MED15: variants seen among roughly 807,000 people sequenced by gnomAD.
The protein encoded by MED15 is mediator complex subunit 15.
MED15 carries 41 observed loss-of-function variants against 118.7 expected under a neutral mutation model. The ratio of observed to expected loss-of-function variants is 0.35; its 90% confidence interval spans 0.27 to 0.45. The LOEUF (loss-of-function observed/expected upper bound fraction) is 0.45, where lower values mean the gene tolerates loss of function less well. Ranked by LOEUF, MED15 falls within the 20% of genes least tolerant of loss-of-function variation. MED15 has a pLI of 1.00. For synonymous variants in MED15, 436 were observed against 413.9 expected, an observed-to-expected ratio of 1.05 and a Z score of -0.65; for missense variants, 740 against 1,025.5, an observed-to-expected ratio of 0.72 and a Z score of 3.80.
intron 14 of MED15, 178 bp downstream of exon 14, chr22:20,584,603 T>C: frequency 1.2e-6 from 1 of 846,358 alleles, no homozygotes; most frequent in Non-Finnish European, 1.8e-6. Context: ...ATGGGAGAAG[T>C]CACCCTCTGT....
chr22:20,555,263 G>C, intron 5 of MED15, 115 bp downstream of exon 5: 1 of 1,138,448 alleles, frequency 8.8e-7, no homozygotes, highest in Non-Finnish European at 1.2e-6. Flanking sequence ...AATCGCTCTG[G>C]TTTTTTTGTT....
rs1197608676 is a variant in MED15, at chr22:20,554,994, T to C, written c.297T>C (p.Ile99=). 1.9e-6 allele frequency: 3 copies of C among 1,611,898 alleles called. No individual in the cohort carries two copies. The highest frequency in any genetic ancestry group is 2.5e-6 in the Non-Finnish European group (3 of 1,179,984). The change falls in exon 5 of 18, where the codon ATT becomes ATC. Residue 99 remains isoleucine, a synonymous_variant. Coordinates refer to ENST00000263205, the MANE Select transcript of MED15 (RefSeq NM_001003891.3). ...GACCTGCTGCGGGAGCCGCTGGAAT[T>C]GGCATGCCTCCTCGGGGCCCGGGAC... ...TGGPAAGAAG[I]GMPPRGPGQS...
rs1555952791 is a variant in MED15 at position 20,585,023 on chromosome 22, C to T, written c.1964+8C>T. 1 of 1,613,978 alleles carries T rather than the reference C, an allele frequency of 6.2e-7. No homozygotes were observed. The highest frequency in any genetic ancestry group is 8.5e-7 in the Non-Finnish European group (1 of 1,179,978). On this transcript the variant is annotated splice_region_variant and intron_variant, in intron 15 of 17. Coordinates refer to ENST00000263205, the MANE Select transcript of MED15 (RefSeq NM_001003891.3). ...TCACGGCCCACCCATCACGTATGTC[C>T]AGCTGGGCTGGGCTTTGCGGAGGGC...
intron 8 of MED15, among the ~76,000 whole-genome samples, chr22:20,570,130 T>C (rs2056591418): frequency 6.6e-6 from 1 of 152,154 alleles, no homozygotes. Flanking sequence ...GTTCAAGTGA[T>C]TCTCCTGCCT....
At chr22:20,555,930 C>T (rs2055985004) in intron 5 of MED15, among the ~76,000 whole-genome samples, 1 of 152,168 alleles carries the variant, frequency 6.6e-6, no homozygotes, top group African/African-American at 2.4e-5. Context: ...ACCATGTTGC[C>T]CAGGCTTATC....
At chr22:20,523,366 A>G (rs191059099) in intron 1 of MED15, among the ~76,000 whole-genome samples, 2 of 152,056 alleles carry the variant, frequency 1.3e-5, no homozygotes, top group East Asian at 3.9e-4. Flanking sequence ...TTTAAAAAAA[A>G]AGTTCATTAT....
intron 1 of MED15, among the ~76,000 whole-genome samples, chr22:20,535,220 A>T (rs1339527184): frequency 6.6e-6 from 1 of 152,116 alleles, no homozygotes; most frequent in Non-Finnish European, 1.5e-5. Context: ...GGCCTCCCAA[A>T]GTGCTGGGAT....
intron 9 of MED15, among the ~76,000 whole-genome samples, chr22:20,575,445 C>T (rs1359170955): frequency 6.6e-6 from 1 of 150,482 alleles, no homozygotes; most frequent in African/African-American, 2.4e-5. Flanking sequence ...TGGGTCTTTT[C>T]AGCTTAAAAT....
At chr22:20,580,588 A>G (rs2056952088) in intron 9 of MED15, among the ~76,000 whole-genome samples, 1 of 152,126 alleles carries the variant, frequency 6.6e-6, no homozygotes, top group African/African-American at 2.4e-5. Context: ...ATGGGTCAGA[A>G]AAGGCAGAGT....
At chr22:20,530,743 CTG>C (rs1250189574) in intron 1 of MED15, among the ~76,000 whole-genome samples, 1 of 150,036 alleles carries the variant, frequency 6.7e-6, no homozygotes, top group Non-Finnish European at 1.5e-5. Context: ...ATCAACATGC[CTG>C]TGTGAGTGTC....
chr22:20,555,365 C>T (rs1490925606), intron 5 of MED15, among the ~76,000 whole-genome samples: 2 of 152,160 alleles, frequency 1.3e-5, no homozygotes, highest in Non-Finnish European at 2.9e-5. Context: ...TCCTCCTCCT[C>T]CTAGCCCTGG....
chr22:20,524,551 C>T (rs927194039), intron 1 of MED15, among the ~76,000 whole-genome samples: 4 of 152,202 alleles, frequency 2.6e-5, no homozygotes, highest in African/African-American at 9.7e-5. Context: ...CCTGAGGTCC[C>T]TTCAAACTCC....
chr22:20,543,202 CTTTTTTTTTTTTTTT>C (rs67565815), intron 2 of MED15, among the ~76,000 whole-genome samples: 4 of 54,118 alleles, frequency 7.4e-5, no homozygotes, highest in East Asian at 4.4e-4. Context: ...TTTCATGTTG[CTTTTTTTTTTTTTTT>C]TTTTTTTTTT....
intron 9 of MED15, 89 bp from the exon 10 acceptor site, chr22:20,582,522 G>A (rs898921724): frequency 1.3e-6 from 2 of 1,526,150 alleles, no homozygotes; most frequent in African/African-American, 1.4e-5. Flanking sequence ...CTGTGCGGGA[G>A]GATGGGCCTA....
chr22:20,511,839 G>A (rs1217278111), intron 1 of MED15, among the ~76,000 whole-genome samples: 1 of 152,054 alleles, frequency 6.6e-6, no homozygotes, highest in African/African-American at 2.4e-5. Context: ...CCCTGCTGCA[G>A]AACAATCAGT....
intron 2 of MED15, among the ~76,000 whole-genome samples, chr22:20,550,040 C>T (rs1037673050): frequency 2.0e-5 from 3 of 152,176 alleles, no homozygotes; most frequent in African/African-American, 7.2e-5. Context: ...TATCGCAGAC[C>T]TAAAAAATGG....
intron 13 of MED15, chr22:20,584,154 C>A (rs2057067995): frequency 1.7e-6 from 1 of 602,306 alleles, no homozygotes; most frequent in Non-Finnish European, 3.0e-6. Flanking sequence ...CTTGACCCAT[C>A]ACCTCACTCT....
intron 1 of MED15, chr22:20,522,665 G>A (rs1165029561): frequency 6.6e-6 from 1 of 152,348 alleles, no homozygotes; most frequent in African/African-American, 2.4e-5. Context: ...TGGGTGTAAG[G>A]TGATGATGTG....
In MED15 at chr22:20,583,379, A is replaced by G; in HGVS notation, c.1722A>G (p.Thr574=). The change falls in exon 13 of 18, where the codon ACA becomes ACG. Residue 574 remains threonine (T), a synonymous_variant. Transcript: ENST00000263205. The part of the protein sequence containing the change: ...SKMKSLLDIL[T]DPSKRCPLKT... ...TGAAGAGCCTTCTGGACATTCTGAC[A>G]GACCCCTCGAAGCGGTGAGCTTTGC... 1 of 1,611,930 alleles carries G rather than the reference A, an allele frequency of 6.2e-7. No homozygotes were observed. The highest frequency in any genetic ancestry group is 8.5e-7 in the Non-Finnish European group (1 of 1,180,012).
Sources: allele counts gnomAD v4.1 joint callset (sites outside exome capture counted in the v4.1 genomes callset), GRCh38; gene constraint gnomAD v4.1.1; transcripts MANE v1.5; gene names NCBI Gene and HGNC (gene_info 2026-07-23, HGNC 2026-07-21).